Variants in BCL6 observed in about 807,000 individuals in gnomAD.
The protein encoded by BCL6 is B-cell lymphoma 6 protein.
Under a neutral mutation model 59.5 loss-of-function variants are expected in BCL6, and 7 were observed. That is an observed-to-expected ratio of 0.12 (90% CI 0.07 to 0.22). The LOEUF (loss-of-function observed/expected upper bound fraction) is 0.22. Ranked by LOEUF, BCL6 falls within the 10% of genes least tolerant of loss-of-function variation. The probability of loss-of-function intolerance (pLI) is 1.00; values close to 1 mark genes in which losing one functional copy is unlikely to be tolerated. For synonymous variants in BCL6, 339 were observed against 349.7 expected (o/e 0.97, Z 0.34); for missense variants, 685 against 939.4 (o/e 0.73, Z 3.54).
intron 1 of BCL6, among the ~76,000 whole-genome samples, chr3:187,735,113 T>C (rs1719225327): frequency 6.6e-6 from 1 of 152,196 alleles, no homozygotes; most frequent in South Asian, 2.1e-4. Context: ...GATAATAATG[T>C]TTTTATCCAG....
intron 1 of BCL6, among the ~76,000 whole-genome samples, chr3:187,738,445 G>A (rs1719391022): frequency 6.6e-6 from 1 of 152,102 alleles, no homozygotes; most frequent in African/African-American, 2.4e-5. Context: ...AAAGTCTTTA[G>A]AACAGGAGCT....
In BCL6 at chr3:187,726,744, C is replaced by T; in HGVS notation, c.1695G>A (p.Lys565=). Reference sequence around the variant, plus strand: ...GCAGGGCCATACCGGTATGGACGGTCTTGTGGCTGGCGAGGTTGCCCTTGT... The same window carrying T: ...GCAGGGCCATACCGGTATGGACGGTTTTGTGGCTGGCGAGGTTGCCCTTGT... ...FRYKGNLASH[K]TVHTGEKPYR... The change falls in exon 7 of 10, where the codon AAG becomes AAA. Residue 565 remains lysine, a synonymous_variant. Transcript: ENST00000406870. The T allele has an allele frequency of 1.9e-6, 3 of 1,613,902 alleles. No homozygotes were observed. The highest frequency in any genetic ancestry group is 2.5e-6 in the Non-Finnish European group (3 of 1,179,958).
chr3:187,745,210 T>A (rs969068579), intron 1 of BCL6, among the ~76,000 whole-genome samples, 200 bp downstream of exon 1: 3 of 152,092 alleles, frequency 2.0e-5, no homozygotes, highest in East Asian at 1.9e-4. Context: ...ACCTGACAGC[T>A]AGAATAAATA....
intron 1 of BCL6, among the ~76,000 whole-genome samples, chr3:187,744,523 G>T: frequency 1.3e-5 from 2 of 152,264 alleles, no homozygotes; most frequent in Middle Eastern, 3.4e-3. Flanking sequence ...GAAGATCACG[G>T]CTCTGAAAGG....
chr3:187,738,449 A>C (rs755697817), intron 1 of BCL6, among the ~76,000 whole-genome samples: 55 of 152,186 alleles, frequency 3.6e-4, no homozygotes, highest in Non-Finnish European at 5.6e-4. Context: ...TCTTTAGAAC[A>C]GGAGCTGCCA....
chr3:187,728,668 A>G (rs752071021), intron 5 of BCL6, 124 bp from the exon 6 acceptor site: 4 of 947,378 alleles, frequency 4.2e-6, no homozygotes, highest in Non-Finnish European at 6.1e-6. Context: ...CTGAGACCCC[A>G]GAGTTGTCCT....
chr3:187,742,815 A>C (rs954837892), intron 1 of BCL6, among the ~76,000 whole-genome samples: 2 of 152,152 alleles, frequency 1.3e-5, no homozygotes, highest in African/African-American at 4.8e-5. Context: ...TTTTTTAAAA[A>C]AGTATATATT....
At chr3:187,744,302 G>T (rs538118050) in intron 1 of BCL6, among the ~76,000 whole-genome samples, 1 of 152,198 alleles carries the variant, frequency 6.6e-6, no homozygotes, top group South Asian at 2.1e-4. Context: ...AGGCATCGCA[G>T]GTGCAGTGCG....
intron 4 of BCL6, 90 bp from the exon 5 acceptor site, chr3:187,730,111 G>A (rs1377849701): frequency 6.1e-6 from 9 of 1,471,044 alleles, no homozygotes; most frequent in African/African-American, 1.4e-5. Flanking sequence ...AACCACATCT[G>A]TGTTTGAATT....
chr3:187,744,680 A>T (rs1711807614), intron 1 of BCL6, among the ~76,000 whole-genome samples: 1 of 152,164 alleles, frequency 6.6e-6, no homozygotes, highest in Non-Finnish European at 1.5e-5. Flanking sequence ...CCGATGGAAG[A>T]GAGCCAGCGG....
Position 187,722,253 on chromosome 3 carries a change from T to C in BCL6, c.*205A>G. 3.8e-6 allele frequency: 2 copies of C among 530,406 alleles called. No individual in the cohort carries two copies. 32.9% of individuals were successfully genotyped at this position (530,406 alleles called of 1,614,324 possible). A position where few individuals can be genotyped will look rare whatever the true frequency, so the allele number is the denominator to read the frequency against. On this transcript the variant is annotated 3_prime_UTR_variant, in exon 10 of 10. Transcript: ENST00000406870. ...AGAAGAAGCAATATGATTTTCTTAA[T>C]GTTTTATGGCAGTGGGGGAGGGGGA...
chr3:187,731,660 G>C, intron 4 of BCL6, 49 bp downstream of exon 4: 1 of 1,569,490 alleles, frequency 6.4e-7, no homozygotes, highest in Non-Finnish European at 8.8e-7. Context: ...GTTTCTGATC[G>C]GGGACTATCT....
chr3:187,731,701 C>T lies in BCL6; in HGVS notation c.383+8G>A. The stretch of plus-strand genomic sequence containing the variant: ...ATCTCCGACGCTTCCACCCGGGTAG[C>T]AACTCACCTGGCCTTAATAAACTTC... On this transcript the variant is annotated splice_region_variant and intron_variant, in intron 4 of 9. Transcript: ENST00000406870. 6.2e-7 allele frequency: 1 copy of T among 1,613,400 alleles called. No individual in the cohort carries two copies. The highest frequency in any genetic ancestry group is 8.5e-7 in the Non-Finnish European group (1 of 1,179,772).
chr3:187,744,110 G>C (rs1711749077), intron 1 of BCL6, among the ~76,000 whole-genome samples: 1 of 152,242 alleles, frequency 6.6e-6, no homozygotes, highest in South Asian at 2.1e-4. Flanking sequence ...CCTTTTTACA[G>C]AGCTTGCACC....
rs371406299 is a variant in BCL6, at chr3:187,742,321, T to C, written c.-50+3089A>G. Among the ~76,000 whole-genome samples, 173 of 152,290 alleles carry C rather than the reference T, an allele frequency of 1.1e-3. 2 individuals are homozygous for C. The highest frequency in any genetic ancestry group is 4.1e-3 in the African/African-American group (169 of 41,548). ...TTTTGACATCTAGCCGTGGCTACCA[T>C]TTACTCAACCAATAACTGGAACTCT... is the stretch of plus-strand genomic sequence containing the variant. On this transcript the variant is annotated intron_variant, in intron 1 of 9. Transcript: ENST00000406870.
chr3:187,741,025 C>T (rs1182908549), intron 1 of BCL6, among the ~76,000 whole-genome samples: 1 of 152,196 alleles, frequency 6.6e-6, no homozygotes, highest in Admixed American at 6.5e-5. Flanking sequence ...AACTCGATCT[C>T]AGCCCACCGC....
chr3:187,744,485 GAACACCAA>G (rs1181798043), intron 1 of BCL6, among the ~76,000 whole-genome samples: 2 of 152,102 alleles, frequency 1.3e-5, no homozygotes, highest in Non-Finnish European at 2.9e-5. Flanking sequence ...CAGGGGCAGG[GAACACCAA>G]AACACTCGGC....
intron 1 of BCL6, among the ~76,000 whole-genome samples, chr3:187,744,188 G>C (rs570384965): frequency 6.6e-6 from 1 of 152,294 alleles, no homozygotes. Flanking sequence ...ACAGAGTCAC[G>C]CAGCGCCCAA....
chr3:187,726,582 G>C, intron 7 of BCL6, 149 bp downstream of exon 7: 1 of 1,101,270 alleles, frequency 9.1e-7, no homozygotes, highest in African/African-American at 1.6e-5. Context: ...GACAAGACAG[G>C]GTTAGACCCC....
Sources: allele counts gnomAD v4.1 joint callset (sites outside exome capture counted in the v4.1 genomes callset), GRCh38; gene constraint gnomAD v4.1.1; transcripts MANE v1.5; gene names NCBI Gene and HGNC (gene_info 2026-07-23, HGNC 2026-07-21).